CNTNAP2: variants seen among roughly 807,000 people sequenced by gnomAD.
The protein encoded by CNTNAP2 is contactin associated protein 2, also known as contactin-associated protein-like 2.
In CNTNAP2, 98 loss-of-function variants were observed where a neutral mutation model predicts 155.2. The observed-to-expected ratio is 0.63, with a 90% CI of 0.54 to 0.75. The LOEUF is 0.75. Ranked by LOEUF, CNTNAP2 falls within the 30% of genes least tolerant of loss-of-function variation. CNTNAP2 has a pLI of 0.00. For synonymous variants in CNTNAP2, 651 were observed against 631.2 expected (o/e 1.03, Z -0.47); for missense variants, 1,727 against 1,688.1 (o/e 1.02, Z -0.40).
At chr7:147,477,737 C>T (rs1320461106) in intron 10 of CNTNAP2, among the ~76,000 whole-genome samples, 2 of 152,132 alleles carry the variant, frequency 1.3e-5, no homozygotes, top group African/African-American at 2.4e-5. Context: ...GTTCAAAAAT[C>T]CCTTGAACAG....
chr7:147,850,271 A>C (rs1056762526), intron 13 of CNTNAP2, among the ~76,000 whole-genome samples: 3 of 152,250 alleles, frequency 2.0e-5, no homozygotes, highest in Non-Finnish European at 4.4e-5. Flanking sequence ...AAAAGAGGAC[A>C]CAAACAAATG....
intron 3 of CNTNAP2, among the ~76,000 whole-genome samples, chr7:146,967,484 T>C (rs895943554): frequency 3.3e-5 from 5 of 152,188 alleles, no homozygotes; most frequent in African/African-American, 4.8e-5. Flanking sequence ...TTTTATTTCA[T>C]TGAGAAGTGG....
At chr7:147,295,207 A>C (rs780672757) in intron 8 of CNTNAP2, among the ~76,000 whole-genome samples, 12 of 151,974 alleles carry the variant, frequency 7.9e-5, no homozygotes, top group Non-Finnish European at 1.8e-4. Context: ...GCACTTCTCC[A>C]GATGTGGTAG....
At chr7:148,033,741 AT>A (rs1484756562) in intron 15 of CNTNAP2, among the ~76,000 whole-genome samples, 3 of 152,198 alleles carry the variant, frequency 2.0e-5, no homozygotes, top group Non-Finnish European at 4.4e-5. Flanking sequence ...GTTAGATTGC[AT>A]TTTTTATAGT....
At chr7:148,144,541 A>G (rs2116648411) in intron 16 of CNTNAP2, among the ~76,000 whole-genome samples, 1 of 152,212 alleles carries the variant, frequency 6.6e-6, no homozygotes, top group East Asian at 1.9e-4. Context: ...TGGCCATGTT[A>G]AACTATGGTT....
chr7:147,075,984 G>A (rs1035853056), intron 4 of CNTNAP2, among the ~76,000 whole-genome samples: 86 of 152,292 alleles, frequency 5.6e-4, no homozygotes, highest in Non-Finnish European at 1.1e-3. Flanking sequence ...TGGCTGCGTA[G>A]TATTCCATGG....
chr7:146,549,581 C>T (rs1563130404), intron 1 of CNTNAP2, among the ~76,000 whole-genome samples: 2 of 152,012 alleles, frequency 1.3e-5, no homozygotes, highest in Non-Finnish European at 2.9e-5. Flanking sequence ...TTTGCAGCCT[C>T]TCTGTCATAA....
chr7:147,187,500 C>A (rs1027641118), intron 8 of CNTNAP2, among the ~76,000 whole-genome samples: 5 of 152,046 alleles, frequency 3.3e-5, no homozygotes, highest in African/African-American at 1.2e-4. Flanking sequence ...GCTAAGTGAA[C>A]TAACCTAGAA....
rs1799980969 is a variant in CNTNAP2 at position 148,416,040 on chromosome 7, T to G, written c.*424T>G. 1 of 191,060 alleles carries G rather than the reference T, an allele frequency of 5.2e-6. No homozygotes were observed. Among genetic ancestry groups the G allele is most frequent in the South Asian group, 1.2e-4 (1 of 8,330 alleles). The allele number at this position is 191,060 out of a possible 1,614,324, so 11.8% of individuals were successfully genotyped here. ...TGCACCTACAGATGGCCCCCAACATTCTCTTCCTTTTGCTTCTAGTCAACC... is the reference window on the plus strand; with the variant it reads ...TGCACCTACAGATGGCCCCCAACATGCTCTTCCTTTTGCTTCTAGTCAACC... On this transcript the variant is annotated 3_prime_UTR_variant, in exon 24 of 24. Coordinates refer to ENST00000361727, the MANE Select transcript of CNTNAP2 (RefSeq NM_014141.6).
chr7:146,391,487 G>T (rs1795543705), intron 1 of CNTNAP2, among the ~76,000 whole-genome samples: 2 of 152,174 alleles, frequency 1.3e-5, no homozygotes, highest in South Asian at 2.1e-4. Flanking sequence ...GCCAGAGGGA[G>T]AAATAATTTA....
At chr7:146,328,834 C>G (rs1468057243) in intron 1 of CNTNAP2, among the ~76,000 whole-genome samples, 2 of 152,158 alleles carry the variant, frequency 1.3e-5, no homozygotes, top group South Asian at 4.1e-4. Context: ...CAATGTTTGT[C>G]AGATTGATCC....
At chr7:147,414,089 G>A (rs1797146886) in intron 10 of CNTNAP2, among the ~76,000 whole-genome samples, 1 of 152,098 alleles carries the variant, frequency 6.6e-6, no homozygotes, top group South Asian at 2.1e-4. Context: ...TTACATATTA[G>A]CAATGGAAAC....
chr7:147,988,024 C>A (rs1223173690), intron 15 of CNTNAP2, among the ~76,000 whole-genome samples: 1 of 152,086 alleles, frequency 6.6e-6, no homozygotes, highest in East Asian at 1.9e-4. Context: ...AGGTATGAGA[C>A]ATCAATCAAA....
intron 3 of CNTNAP2, among the ~76,000 whole-genome samples, chr7:146,898,990 C>T (rs185299073): frequency 6.6e-6 from 1 of 152,140 alleles, no homozygotes; most frequent in African/African-American, 2.4e-5. Context: ...TCAATGAAAC[C>T]ATTTAAGTGC....
At position 147,186,890 on chromosome 7, in the gene CNTNAP2, G is replaced by C. The variant is rs574972026; in HGVS notation, c.1348+54381G>C. On this transcript the variant is annotated intron_variant, in intron 8 of 23. Coordinates refer to ENST00000361727, the MANE Select transcript of CNTNAP2 (RefSeq NM_014141.6). ...CTTGATCTTTTCGGGCTGACCAGTA[G>C]GTCTTAAACTGTAGTGCATATTGTT... Among the ~76,000 whole-genome samples the C allele has an allele frequency of 1.5e-4, 21 of 141,636 alleles. 1 individual carries two copies. Among genetic ancestry groups the C allele is most frequent in the African/African-American group, 4.9e-4 (20 of 41,222 alleles). 92.9% of individuals were successfully genotyped at this position (141,636 alleles called of 152,430 possible).
At chr7:147,361,512 C>T (rs1371910934) in intron 9 of CNTNAP2, among the ~76,000 whole-genome samples, 1 of 152,110 alleles carries the variant, frequency 6.6e-6, no homozygotes, top group African/African-American at 2.4e-5. Context: ...TATGCCTTAT[C>T]TTCTCACTAA....
intron 1 of CNTNAP2, among the ~76,000 whole-genome samples, chr7:146,515,580 A>G (rs965179034): frequency 5.9e-5 from 9 of 152,020 alleles, no homozygotes. Context: ...TGGTGATATC[A>G]CCCACTTTTG....
intron 3 of CNTNAP2, among the ~76,000 whole-genome samples, chr7:146,896,862 A>G (rs979768772): frequency 2.6e-5 from 4 of 152,220 alleles, no homozygotes; most frequent in Admixed American, 2.6e-4. Flanking sequence ...AATATTTTTA[A>G]TGATGATTTA....
intron 2 of CNTNAP2, among the ~76,000 whole-genome samples, chr7:146,788,399 C>T (rs569227427): frequency 4.7e-4 from 72 of 152,292 alleles, no homozygotes; most frequent in Admixed American, 2.6e-3. Flanking sequence ...AGACTCTTCT[C>T]GTATTATGGT....
Sources: allele counts gnomAD v4.1 joint callset (sites outside exome capture counted in the v4.1 genomes callset), GRCh38; gene constraint gnomAD v4.1.1; transcripts MANE v1.5; gene names NCBI Gene and HGNC (gene_info 2026-07-23, HGNC 2026-07-21).